The following COL24A1 variants were observed in gnomAD, a reference collection of about 807,000 sequenced individuals.
COL24A1 encodes the protein collagen type XXIV alpha 1 chain, also known as collagen alpha-1(XXIV) chain.
A neutral mutation model predicts 253.9 loss-of-function variants in COL24A1; 224 were observed. The observed-to-expected ratio is 0.88, with a 90% CI of 0.79 to 0.99. The LOEUF (loss-of-function observed/expected upper bound fraction) is 0.99. Ranked by LOEUF, COL24A1 falls within the 50% of genes least tolerant of loss-of-function variation. The probability of loss-of-function intolerance (pLI) is 0.00; values close to 1 mark genes in which losing one functional copy is unlikely to be tolerated. For missense variants in COL24A1, 2,131 were observed against 2,068.5 expected (o/e 1.03, Z -0.59); for synonymous variants, 685 against 673.7 (o/e 1.02, Z -0.26).
At chr1:85,933,868 T>C (rs1321999818) in intron 24 of COL24A1, among the ~76,000 whole-genome samples, 1 of 152,216 alleles carries the variant, frequency 6.6e-6, no homozygotes. Context: ...GTTGAAATAT[T>C]ATGTATTACT....
At chr1:85,979,824 TAAATCATTCC>T (rs1479643259) in intron 20 of COL24A1, among the ~76,000 whole-genome samples, 1 of 152,070 alleles carries the variant, frequency 6.6e-6, no homozygotes, top group African/African-American at 2.4e-5. Context: ...GGATCCTCCC[TAAATCATTCC>T]ATAAAGCCAG....
intron 24 of COL24A1, among the ~76,000 whole-genome samples, chr1:85,947,190 A>G (rs1018410124): frequency 6.6e-6 from 1 of 152,218 alleles, no homozygotes; most frequent in African/African-American, 2.4e-5. Context: ...AAACTAGATG[A>G]GCACAAAGTG....
chr1:85,954,336 T>C (rs890340857), intron 24 of COL24A1, among the ~76,000 whole-genome samples: 7 of 152,202 alleles, frequency 4.6e-5, no homozygotes, highest in Admixed American at 2.6e-4. Context: ...TCTAACTTCA[T>C]GCAGTAATAA....
rs186874295 is a variant in COL24A1 at position 86,111,446 on chromosome 1, T to G, written c.1599+1121A>C. On this transcript the variant is annotated intron_variant, in intron 5 of 59. Coordinates refer to ENST00000370571, the MANE Select transcript of COL24A1 (RefSeq NM_152890.7). Reference sequence around the variant, plus strand: ...GACCAATCAGCACTCAGTGTATAGCTCAGGGATTGTAAATGCACCAATCAG... The same window carrying G: ...GACCAATCAGCACTCAGTGTATAGCGCAGGGATTGTAAATGCACCAATCAG... Among the ~76,000 whole-genome samples, 220 of 152,140 alleles carry G rather than the reference T, an allele frequency of 1.4e-3. 1 individual carries two copies. Among genetic ancestry groups the G allele is most frequent in the Non-Finnish European group, 3.8e-4 (26 of 68,000 alleles).
chr1:85,998,990 C>T (rs931493553), intron 19 of COL24A1, among the ~76,000 whole-genome samples: 2 of 152,152 alleles, frequency 1.3e-5, no homozygotes, highest in East Asian at 1.9e-4. Context: ...AACTGTCAGG[C>T]TAAATTGTTG....
intron 53 of COL24A1, among the ~76,000 whole-genome samples, chr1:85,768,041 G>A (rs756655595): frequency 2.0e-5 from 3 of 152,092 alleles, no homozygotes; most frequent in Non-Finnish European, 2.9e-5. Flanking sequence ...GAGAATGACC[G>A]GAAATGATGA....
chr1:85,776,971 G>A (rs1009050018), intron 52 of COL24A1, among the ~76,000 whole-genome samples: 3 of 149,276 alleles, frequency 2.0e-5, no homozygotes, highest in Non-Finnish European at 4.4e-5. Flanking sequence ...TTTTTTTTGA[G>A]AAGGAGTCTC....
intron 53 of COL24A1, among the ~76,000 whole-genome samples, chr1:85,765,722 CA>C (rs1169573863): frequency 2.0e-5 from 3 of 151,936 alleles, no homozygotes; most frequent in Admixed American, 2.0e-4. Context: ...GCCTGGGTGA[CA>C]GAGCAAGACT....
At chr1:85,999,437 T>C (rs1476158646) in intron 19 of COL24A1, among the ~76,000 whole-genome samples, 1 of 151,866 alleles carries the variant, frequency 6.6e-6, no homozygotes, top group African/African-American at 2.4e-5. Context: ...GGTAACACAA[T>C]GAAAACCCAT....
chr1:85,970,341 T>TAGG, intron 21 of COL24A1, 70 bp from the exon 22 acceptor site: 1 of 1,344,710 alleles, frequency 7.4e-7, no homozygotes, highest in Non-Finnish European at 1.0e-6. Context: ...ACTCTTATTT[T>TAGG]CTCTATTTAT....
At chr1:85,796,689 C>G (rs1670838289) in intron 47 of COL24A1, among the ~76,000 whole-genome samples, 1 of 152,030 alleles carries the variant, frequency 6.6e-6, no homozygotes, top group South Asian at 2.1e-4. Context: ...GTAAGCTTAA[C>G]CATTTATATT....
At chr1:85,786,539 G>T in intron 47 of COL24A1, 78 bp from the exon 48 acceptor site, 1 of 1,346,204 alleles carries the variant, frequency 7.4e-7, no homozygotes, top group Non-Finnish European at 1.0e-6. Flanking sequence ...AATGTAGGAA[G>T]AGTTGTGCCC....
At position 85,940,275 on chromosome 1, in the gene COL24A1, G is replaced by A. The variant is rs1571302341; in HGVS notation, c.2562+20974C>T. Among the ~76,000 whole-genome samples the A allele has an allele frequency of 9.7e-5, 6 of 61,606 alleles. 2 individuals are homozygous for A. The South Asian group carries it at 3.6e-3, about 37-fold the overall frequency. The allele number at this position is 61,606 out of a possible 152,430, so 40.4% of individuals were successfully genotyped here. ...AAAAATTAGCCGGGCGTGGTAGCGG[G>A]CGCCTGTAGTCCCAGCTACTCGGGA... On this transcript the variant is annotated intron_variant, in intron 24 of 59. Coordinates refer to ENST00000370571, the MANE Select transcript of COL24A1 (RefSeq NM_152890.7).
chr1:86,156,149 G>A (rs1653576771), intron 1 of COL24A1, 192 bp downstream of exon 1: 1 of 547,856 alleles, frequency 1.8e-6, no homozygotes, highest in African/African-American at 1.9e-5. Context: ...CTGCTGGCAC[G>A]AGGCATCCTT....
rs541780126 is a variant in COL24A1, at chr1:85,889,086, T to G, written c.2976+474A>C. Among the ~76,000 whole-genome samples, 5 of 152,250 alleles carry G rather than the reference T, an allele frequency of 3.3e-5. No homozygotes were observed. The East Asian group carries it at 9.6e-4, about 29-fold the overall frequency. ...ATTTATGAAACTATTTCATAATGAT[T>G]TCATAAGTTTTTGTATTGATGCAAG... On this transcript the variant is annotated intron_variant, in intron 32 of 59. Coordinates refer to ENST00000370571, the MANE Select transcript of COL24A1 (RefSeq NM_152890.7).
chr1:85,834,725 A>G (rs937816964), intron 43 of COL24A1, among the ~76,000 whole-genome samples: 4 of 152,178 alleles, frequency 2.6e-5, no homozygotes, highest in African/African-American at 4.8e-5. Flanking sequence ...GTTTCCATTT[A>G]TACCTTTAAA....
rs967225747 is a variant in COL24A1, at chr1:86,150,593, A to C, written c.57-4410T>G. Among the ~76,000 whole-genome samples, 19 of 151,948 alleles carry C rather than the reference A, an allele frequency of 1.3e-4. 2 individuals carry two copies. The highest frequency in any genetic ancestry group is 5.3e-4 in the Admixed American group (8 of 15,202). ...TCTTTTTTTTCTTAATTTTCATTTT[A>C]GCTTTCTTGTCTCTGAAGTGGGTAC... On this transcript the variant is annotated intron_variant, in intron 1 of 59. Coordinates refer to ENST00000370571, the MANE Select transcript of COL24A1 (RefSeq NM_152890.7).
At chr1:85,855,332 A>G (rs939022085) in intron 37 of COL24A1, among the ~76,000 whole-genome samples, 2 of 152,180 alleles carry the variant, frequency 1.3e-5, no homozygotes, top group East Asian at 3.9e-4. Context: ...CCTATTAGGT[A>G]TAACATTGGC....
Position 85,862,935 on chromosome 1 carries a change from T to C in COL24A1, c.3300+5584A>G, listed in dbSNP as rs533524983. ...ATGGCCATTTTCATGATACTGATTC[T>C]TCCTATCCATGAGCATGGAATGTTC... On this transcript the variant is annotated intron_variant, in intron 37 of 59. Transcript: ENST00000370571. Among the ~76,000 whole-genome samples, 5 of 152,348 alleles carry C rather than the reference T, an allele frequency of 3.3e-5. No homozygotes were observed. The South Asian group carries it at 6.2e-4, about 19-fold the overall frequency.
Sources: gnomAD v4.1 joint callset for allele counts (sites outside exome capture counted in the v4.1 genomes callset) on GRCh38, gnomAD v4.1.1 for gene constraint, MANE v1.5 for transcripts, NCBI Gene and HGNC (gene_info 2026-07-23, HGNC 2026-07-21) for gene names.